STPG4: variants seen among roughly 807,000 people sequenced by gnomAD.
STPG4 encodes the protein sperm-tail PG-rich repeat containing 4, also known as protein STPG4.
Under a neutral mutation model 31.5 loss-of-function variants are expected in STPG4, and 41 were observed. The observed-to-expected ratio is 1.30, with a 90% confidence interval of 1.01 to 1.69. STPG4 has a LOEUF of 1.69. STPG4 is among the 40% of genes most tolerant of loss of function. STPG4 has a pLI of 0.00. For synonymous variants in STPG4, 141 were observed against 103.0 expected (o/e 1.37, Z -2.24); for missense variants, 375 against 293.4 (o/e 1.28, Z -2.03).
At chr2:47,139,407 A>ATTTT (rs33970494) in intron 3 of STPG4, among the ~76,000 whole-genome samples, 58 of 147,364 alleles carry the variant, frequency 3.9e-4, no homozygotes, top group East Asian at 4.0e-4. Flanking sequence ...CTCCTGCTTT[A>ATTTT]TTTTTTTTTT....
intron 3 of STPG4, among the ~76,000 whole-genome samples, chr2:47,144,788 T>C (rs985401238): frequency 6.6e-6 from 1 of 152,308 alleles, no homozygotes; most frequent in African/African-American, 2.4e-5. Flanking sequence ...TGGAGTGCAG[T>C]GGCGCAACCT....
At chr2:47,098,286 A>T (rs1306007171) in intron 5 of STPG4, among the ~76,000 whole-genome samples, 1 of 152,210 alleles carries the variant, frequency 6.6e-6, no homozygotes, top group East Asian at 1.9e-4. Context: ...CCCTCCCTGC[A>T]GCCATCTCTA....
chr2:47,141,723 T>C (rs1208300262), intron 3 of STPG4, among the ~76,000 whole-genome samples: 1 of 152,006 alleles, frequency 6.6e-6, no homozygotes, highest in Non-Finnish European at 1.5e-5. Flanking sequence ...ACCCTTCCTA[T>C]GGTTTATAGC....
At chr2:47,098,934 G>T (rs569894385) in intron 5 of STPG4, among the ~76,000 whole-genome samples, 11 of 152,146 alleles carry the variant, frequency 7.2e-5, no homozygotes, top group African/African-American at 2.4e-4. Flanking sequence ...AGACAAGGGG[G>T]TCATATACGC....
intron 3 of STPG4, among the ~76,000 whole-genome samples, chr2:47,134,220 A>G (rs550570568): frequency 6.6e-6 from 1 of 152,306 alleles, no homozygotes; most frequent in East Asian, 1.9e-4. Flanking sequence ...ATTATCACTC[A>G]AAGTCCATAT....
At chr2:47,130,913 C>A (rs1317681777) in intron 3 of STPG4, among the ~76,000 whole-genome samples, 1 of 152,166 alleles carries the variant, frequency 6.6e-6, no homozygotes, top group African/African-American at 2.4e-5. Flanking sequence ...CTCTTGGGCT[C>A]AAGTGCTCCT....
At chr2:47,115,652 C>T (rs570635504) in intron 5 of STPG4, among the ~76,000 whole-genome samples, 3,331 of 113,298 alleles carry the variant, frequency 0.029, 173 homozygotes, top group African/African-American at 0.11. Context: ...ACATTAAAGG[C>T]TTTTTTTTTT....
At chr2:47,107,885 C>T (rs1306967021) in intron 5 of STPG4, among the ~76,000 whole-genome samples, 2 of 152,106 alleles carry the variant, frequency 1.3e-5, no homozygotes, top group South Asian at 2.1e-4. Flanking sequence ...TGCATCAATC[C>T]ACACTCTGTA....
chr2:47,139,822 C>G (rs895042772), intron 3 of STPG4, among the ~76,000 whole-genome samples: 2 of 152,080 alleles, frequency 1.3e-5, no homozygotes, highest in African/African-American at 4.8e-5. Flanking sequence ...ATATCTTTCT[C>G]CACCCATTTA....
intron 5 of STPG4, among the ~76,000 whole-genome samples, chr2:47,114,580 A>G (rs888187933): frequency 1.3e-5 from 2 of 152,196 alleles, no homozygotes; most frequent in Admixed American, 1.3e-4. Context: ...TTATCTGAGC[A>G]TTGAGTACCA....
chr2:47,141,153 C>G (rs1686696387), intron 3 of STPG4, among the ~76,000 whole-genome samples: 1 of 152,044 alleles, frequency 6.6e-6, no homozygotes, highest in Admixed American at 6.5e-5. Flanking sequence ...TCCCAAAGTG[C>G]TGGGATTACA....
Position 47,155,192 on chromosome 2 carries a change from T to A in STPG4, c.60A>T (p.Gly20=). 1.2e-6 allele frequency: 2 copies of A among 1,614,162 alleles called. No homozygotes were observed. Among genetic ancestry groups the A allele is most frequent in the Non-Finnish European group, 1.7e-6 (2 of 1,180,016 alleles). ...TTACCGAAGCTGTGATGAATGATTCTCCACCCACCAGGTCTTCCCTTATTG... is the reference window on the plus strand; with the variant it reads ...TTACCGAAGCTGTGATGAATGATTCACCACCCACCAGGTCTTCCCTTATTG... ...STSIREDLVG[G]ESFITASKPA... The change falls in exon 1 of 7, where the codon GGA becomes GGT. Residue 20 remains glycine, a synonymous_variant. Transcript: ENST00000445927.
intron 5 of STPG4, 48 bp downstream of exon 5, chr2:47,129,893 T>C: frequency 6.3e-7 from 1 of 1,598,260 alleles, no homozygotes; most frequent in Non-Finnish European, 8.5e-7. Context: ...GCACAGCGTA[T>C]TTTAAACATC....
At position 47,144,660 on chromosome 2, in the gene STPG4, G is replaced by A. The variant is rs116266559; in HGVS notation, c.399+6598C>T. On this transcript the variant is annotated intron_variant, in intron 3 of 6. Coordinates refer to ENST00000445927, the MANE Select transcript of STPG4 (RefSeq NM_001163561.2). ...GACATGCTAGGTTATTTATTCGGGCGATTAACCTTCCCACTGCTGACCACT... is the reference window on the plus strand; with the variant it reads ...GACATGCTAGGTTATTTATTCGGGCAATTAACCTTCCCACTGCTGACCACT... Among the ~76,000 whole-genome samples, 1,464 of 152,110 alleles carry A rather than the reference G, an allele frequency of 9.6e-3. 31 individuals carry two copies. Among genetic ancestry groups the A allele is most frequent in the African/African-American group, 0.033 (1,353 of 41,492 alleles).
chr2:47,131,163 G>A (rs1432123026), intron 3 of STPG4, among the ~76,000 whole-genome samples: 1 of 151,388 alleles, frequency 6.6e-6, no homozygotes, highest in African/African-American at 2.4e-5. Flanking sequence ...GTCTCACTCT[G>A]TTGCCCACGG....
chr2:47,118,723 T>C (rs1169536098), intron 5 of STPG4, among the ~76,000 whole-genome samples: 2 of 152,152 alleles, frequency 1.3e-5, no homozygotes, highest in African/African-American at 4.8e-5. Context: ...CTTCCTGACC[T>C]GTCAAATAGA....
At chr2:47,106,283 G>A (rs938013931) in intron 5 of STPG4, among the ~76,000 whole-genome samples, 1 of 151,888 alleles carries the variant, frequency 6.6e-6, no homozygotes, top group East Asian at 1.9e-4. Flanking sequence ...ACAGGCACCT[G>A]CACCTTAGTC....
intron 3 of STPG4, among the ~76,000 whole-genome samples, chr2:47,150,226 C>G (rs1390045263): frequency 6.6e-6 from 1 of 152,226 alleles, no homozygotes; most frequent in African/African-American, 2.4e-5. Flanking sequence ...CAGTTAAGTT[C>G]TACGTAAGCC....
intron 5 of STPG4, chr2:47,108,309 G>C (rs1685966467): frequency 6.6e-6 from 1 of 151,804 alleles, no homozygotes; most frequent in African/African-American, 2.4e-5. Flanking sequence ...TGGAAGCTTT[G>C]TTCTTTCGCT....
Sources: allele counts gnomAD v4.1 joint callset (sites outside exome capture counted in the v4.1 genomes callset), GRCh38; gene constraint gnomAD v4.1.1; transcripts MANE v1.5; gene names NCBI Gene and HGNC (gene_info 2026-07-23, HGNC 2026-07-21).